The following TGFBR3 variants were observed in gnomAD, a reference collection of about 807,000 sequenced individuals.
TGFBR3 encodes transforming growth factor beta receptor type 3.
A neutral mutation model predicts 87.9 loss-of-function variants in TGFBR3; 46 were observed. The ratio of observed to expected loss-of-function variants is 0.52; its 90% CI spans 0.41 to 0.67. The LOEUF (loss-of-function observed/expected upper bound fraction) is 0.67. Among genes scored for constraint, TGFBR3 ranks in the 30% least tolerant of loss-of-function variants. The pLI is 0.00. For synonymous variants in TGFBR3, 381 were observed against 391.6 expected, an observed-to-expected ratio of 0.97 and a Z score of 0.32; for missense variants, 866 against 1,041.9, an observed-to-expected ratio of 0.83 and a Z score of 2.32.
chr1:91,754,952 A>T (rs1366931077), intron 4 of TGFBR3: 2 of 152,212 alleles, frequency 1.3e-5, no homozygotes, highest in African/African-American at 4.8e-5. Flanking sequence ...TGAGACAGAA[A>T]TGCAAACCAT....
intron 4 of TGFBR3, among the ~76,000 whole-genome samples, chr1:91,748,722 G>GTATTATTATTATTAT (rs56351917): frequency 4.0e-5 from 6 of 148,536 alleles, no homozygotes; most frequent in African/African-American, 5.0e-5. Flanking sequence ...ATTCTGGAAA[G>GTATTATTATTATTAT]TATTATTATT....
At chr1:91,790,743 A>T (rs1451435974) in intron 3 of TGFBR3, among the ~76,000 whole-genome samples, 1 of 152,224 alleles carries the variant, frequency 6.6e-6, no homozygotes, top group East Asian at 1.9e-4. Context: ...ACAGGACTGC[A>T]TTAGGAAGTC....
At chr1:91,852,561 C>A (rs1677779697) in intron 2 of TGFBR3, among the ~76,000 whole-genome samples, 1 of 152,308 alleles carries the variant, frequency 6.6e-6, no homozygotes, top group African/African-American at 2.4e-5. Context: ...ACCCTATCCA[C>A]TCTGGGTCTT....
At chr1:91,757,406 G>A (rs1408122051) in intron 4 of TGFBR3, among the ~76,000 whole-genome samples, 1 of 152,132 alleles carries the variant, frequency 6.6e-6, no homozygotes, top group Non-Finnish European at 1.5e-5. Flanking sequence ...TATCCCCAAG[G>A]TATATAGTCA....
intron 4 of TGFBR3, among the ~76,000 whole-genome samples, chr1:91,739,231 G>C (rs1673066392): frequency 6.6e-6 from 1 of 152,198 alleles, no homozygotes; most frequent in South Asian, 2.1e-4. Context: ...GAGACAAAAA[G>C]CAGGAGATCA....
intron 16 of TGFBR3, among the ~76,000 whole-genome samples, chr1:91,690,775 G>A (rs942589992): frequency 2.6e-5 from 4 of 152,018 alleles, no homozygotes; most frequent in Non-Finnish European, 4.4e-5. Flanking sequence ...CATATTTTAT[G>A]GAAGCCTGAA....
intron 2 of TGFBR3, among the ~76,000 whole-genome samples, chr1:91,895,551 C>T (rs1188804017): frequency 6.6e-6 from 1 of 151,988 alleles, no homozygotes; most frequent in East Asian, 1.9e-4. Context: ...AAACTCCTGG[C>T]CTTGAGTGAA....
At chr1:91,762,374 G>A (rs1280621454) in intron 3 of TGFBR3, among the ~76,000 whole-genome samples, 9 of 152,126 alleles carry the variant, frequency 5.9e-5, no homozygotes, top group East Asian at 1.9e-4. Flanking sequence ...GAACCCCATC[G>A]TAAAAGAGTA....
At chr1:91,837,372 A>G (rs1300273303) in intron 2 of TGFBR3, among the ~76,000 whole-genome samples, 1 of 152,044 alleles carries the variant, frequency 6.6e-6, no homozygotes, top group Non-Finnish European at 1.5e-5. Flanking sequence ...CAGCCTCCCA[A>G]GTAGCTGGGA....
chr1:91,753,049 A>G (rs994203160), intron 4 of TGFBR3, among the ~76,000 whole-genome samples: 2 of 151,860 alleles, frequency 1.3e-5, no homozygotes, highest in Non-Finnish European at 2.9e-5. Flanking sequence ...AAAAAAAGAA[A>G]AAAAAATCAG....
At chr1:91,759,531 A>C (rs1417307518) in intron 3 of TGFBR3, among the ~76,000 whole-genome samples, 1 of 152,170 alleles carries the variant, frequency 6.6e-6, no homozygotes, top group African/African-American at 2.4e-5. Context: ...GGAGCTGCAA[A>C]CCATGGACTC....
intron 4 of TGFBR3, among the ~76,000 whole-genome samples, chr1:91,747,422 CCT>C (rs890978769): frequency 5.9e-5 from 9 of 152,342 alleles, no homozygotes; most frequent in African/African-American, 1.7e-4. Context: ...GGGTTATTTC[CCT>C]CTCTGTCCCC....
intron 12 of TGFBR3, among the ~76,000 whole-genome samples, chr1:91,713,843 TGC>T (rs1395557608): frequency 3.3e-5 from 5 of 152,092 alleles, no homozygotes; most frequent in South Asian, 4.2e-4. Flanking sequence ...TACTAAAAAC[TGC>T]CGTTTAACAT....
chr1:91,764,140 C>G (rs973144304), intron 3 of TGFBR3, among the ~76,000 whole-genome samples: 3 of 151,996 alleles, frequency 2.0e-5, no homozygotes, highest in African/African-American at 7.3e-5. Context: ...ACTAACCATT[C>G]TCCTTGGTCA....
chr1:91,759,161 T>C (rs1293417622), intron 3 of TGFBR3, among the ~76,000 whole-genome samples: 1 of 152,158 alleles, frequency 6.6e-6, no homozygotes, highest in Non-Finnish European at 1.5e-5. Context: ...GTCATCCCTC[T>C]GGATCTCCAG....
chr1:91,702,556 T>C (rs1383017382), intron 14 of TGFBR3, among the ~76,000 whole-genome samples: 2 of 152,180 alleles, frequency 1.3e-5, no homozygotes, highest in Non-Finnish European at 2.9e-5. Flanking sequence ...TGAGATCTTC[T>C]GATGGTTCTT....
Position 91,716,462 on chromosome 1 carries a change from G to A in TGFBR3, c.1708-68C>T. On this transcript the variant is annotated intron_variant, in intron 11 of 16. Coordinates refer to ENST00000212355, the MANE Select transcript of TGFBR3 (RefSeq NM_003243.5). ...AAGGATGAAGGCCCTGTAGCTTCAT[G>A]AGCTTTGGCTTTTAACATCTGATTT... 2.5e-6 allele frequency: 4 copies of A among 1,613,584 alleles called. No homozygotes were observed. The South Asian group carries it at 3.3e-5, about 13-fold the overall frequency.
chr1:91,748,324 T>G (rs1673417616), intron 4 of TGFBR3, among the ~76,000 whole-genome samples: 1 of 152,178 alleles, frequency 6.6e-6, no homozygotes, highest in Non-Finnish European at 1.5e-5. Context: ...TTAGCATCAA[T>G]TAACAAACGG....
At chr1:91,690,608 G>A (rs575705335) in intron 16 of TGFBR3, among the ~76,000 whole-genome samples, 2 of 152,196 alleles carry the variant, frequency 1.3e-5, no homozygotes, top group Non-Finnish European at 2.9e-5. Context: ...CGGGAAAAGC[G>A]CCAGGATTAT....
Sources: allele counts gnomAD v4.1 joint callset (sites outside exome capture counted in the v4.1 genomes callset), GRCh38; gene constraint gnomAD v4.1.1; transcripts MANE v1.5; gene names NCBI Gene and HGNC (gene_info 2026-07-23, HGNC 2026-07-21).